LSM4: variants seen among roughly 807,000 people sequenced by gnomAD.
LSM4 encodes LSM4 homolog, U6 small nuclear RNA and mRNA degradation associated.
Under a neutral mutation model 22.3 loss-of-function variants are expected in LSM4, and 15 were observed. The ratio of observed to expected loss-of-function variants is 0.67; its 90% CI spans 0.45 to 1.03. The LOEUF (loss-of-function observed/expected upper bound fraction) is 1.03. Ranked by LOEUF, LSM4 falls within the 50% of genes least tolerant of loss-of-function variation. The pLI is 0.00. For missense variants in LSM4, 127 were observed against 198.0 expected, an observed-to-expected ratio of 0.64 and a Z score of 2.15; for synonymous variants, 90 against 79.8, an observed-to-expected ratio of 1.13 and a Z score of -0.68.
At chr19:18,317,490 GC>G (rs1970369361) in intron 1 of LSM4, among the ~76,000 whole-genome samples, 2 of 151,788 alleles carry the variant, frequency 1.3e-5, no homozygotes, top group Non-Finnish European at 2.9e-5. Context: ...CCACCACCAT[GC>G]CCGGCTAATT....
intron 1 of LSM4, among the ~76,000 whole-genome samples, chr19:18,319,657 G>A (rs996145983): frequency 7.9e-5 from 12 of 152,274 alleles, no homozygotes; most frequent in Admixed American, 7.2e-4. Context: ...AGGCAGACAG[G>A]CTCTGCCACA....
intron 3 of LSM4, among the ~76,000 whole-genome samples, chr19:18,310,404 C>T (rs934393149): frequency 2.0e-5 from 3 of 152,224 alleles, no homozygotes; most frequent in Non-Finnish European, 4.4e-5. Flanking sequence ...GAGCAAGCTA[C>T]AGGCCTAGTG....
intron 4 of LSM4, among the ~76,000 whole-genome samples, chr19:18,308,127 CCT>C (rs1283512431): frequency 6.6e-6 from 1 of 152,190 alleles, no homozygotes; most frequent in Non-Finnish European, 1.5e-5. Context: ...CCATGAAGCC[CCT>C]GAGGTGGGAG....
intron 1 of LSM4, among the ~76,000 whole-genome samples, chr19:18,319,912 A>G (rs1196546241): frequency 2.0e-5 from 3 of 152,240 alleles, no homozygotes. Flanking sequence ...TCCAGGGCCA[A>G]GCACAAGGCC....
chr19:18,316,244 A>G, intron 1 of LSM4, 179 bp from the exon 2 acceptor site: 1 of 509,220 alleles, frequency 2.0e-6, no homozygotes, highest in South Asian at 2.6e-5. Flanking sequence ...TGGAACACAC[A>G]CCTGCCTCTC....
intron 2 of LSM4, among the ~76,000 whole-genome samples, chr19:18,314,589 G>T (rs575920801): frequency 5.3e-5 from 8 of 152,210 alleles, no homozygotes; most frequent in African/African-American, 1.2e-4. Context: ...ACTGACACAG[G>T]CCACAGGGTG....
chr19:18,314,618 G>A (rs1051660720), intron 2 of LSM4, among the ~76,000 whole-genome samples: 12 of 152,214 alleles, frequency 7.9e-5, no homozygotes, highest in Admixed American at 3.3e-4. Flanking sequence ...TCAAAAACAC[G>A]TTGCTGAGTG....
Position 18,323,052 on chromosome 19 carries a change from T to C in LSM4, c.-32A>G. The C allele has an allele frequency of 6.6e-7, 1 of 1,525,336 alleles. No homozygotes were observed. Among genetic ancestry groups the C allele is most frequent in the East Asian group, 2.7e-5 (1 of 37,658 alleles). 94.5% of individuals were successfully genotyped at this position (1,525,336 alleles called of 1,614,324 possible). ...GGCGGGGACCGGGCTCGCCGGCCAC[T>C]TCCGCCGCCGCCGCTGCACACGCTC... On this transcript the variant is annotated 5_prime_UTR_variant, in exon 1 of 5. Transcript: ENST00000593829.
intron 2 of LSM4, among the ~76,000 whole-genome samples, chr19:18,314,344 C>T (rs1314774299): frequency 6.6e-6 from 1 of 151,422 alleles, no homozygotes; most frequent in Non-Finnish European, 1.5e-5. Context: ...CACAGTGAAA[C>T]CCCGTCTCTA....
intron 3 of LSM4, among the ~76,000 whole-genome samples, chr19:18,310,667 C>T (rs1175427285): frequency 6.6e-6 from 1 of 152,160 alleles, no homozygotes; most frequent in African/African-American, 2.4e-5. Context: ...CCTGGACAGA[C>T]CCACGCACGA....
chr19:18,316,913 T>C (rs903771217), intron 1 of LSM4, among the ~76,000 whole-genome samples: 15 of 152,160 alleles, frequency 9.9e-5, no homozygotes, highest in Non-Finnish European at 2.1e-4. Context: ...GAAGGCCACA[T>C]CTGAGCTGGT....
rs186490507 is a variant in LSM4 at position 18,306,247 on chromosome 19, C to T, written c.*1217G>A. ...CTCAAGAAAAAGAGTTCCTCACGGA[C>T]GGGACCTTTTATTCCAATCACCTCT... On this transcript the variant is annotated 3_prime_UTR_variant, in exon 5 of 5. Transcript: ENST00000593829. 5.9e-5 allele frequency: 9 copies of T among 152,304 alleles called. No individual in the cohort carries two copies. The highest frequency in any genetic ancestry group is 1.9e-4 in the African/African-American group (8 of 41,558). 9.4% of individuals were successfully genotyped at this position (152,304 alleles called of 1,614,324 possible). A position where few individuals can be genotyped will look rare whatever the true frequency, so the allele number is the denominator to read the frequency against.
In LSM4 at chr19:18,323,055, C is replaced by T. The variant is rs1163419052; in HGVS notation, c.-35G>A. ...GGGGACCGGGCTCGCCGGCCACTTC[C>T]GCCGCCGCCGCTGCACACGCTCCCG... is the stretch of plus-strand genomic sequence containing the variant. On this transcript the variant is annotated 5_prime_UTR_variant, in exon 1 of 5. Coordinates refer to ENST00000593829, the MANE Select transcript of LSM4 (RefSeq NM_012321.5). 1.3e-6 allele frequency: 2 copies of T among 1,513,134 alleles called. No individual in the cohort carries two copies. Among genetic ancestry groups the T allele is most frequent in the African/African-American group, 1.5e-5 (1 of 68,902 alleles). The allele number at this position is 1,513,134 out of a possible 1,614,324, so 93.7% of individuals were successfully genotyped here. A position where few individuals can be genotyped will look rare whatever the true frequency, so the allele number is the denominator to read the frequency against.
intron 3 of LSM4, 57 bp downstream of exon 3, chr19:18,312,547 A>G: frequency 7.1e-7 from 1 of 1,416,182 alleles, no homozygotes; most frequent in Non-Finnish European, 1.0e-6. Context: ...GGAGGGAGGG[A>G]GGAGGCTGAG....
At position 18,312,718 on chromosome 19, in the gene LSM4, G is replaced by C. The variant is rs566270912; in HGVS notation, c.46-16C>G. 1.9e-6 allele frequency: 3 copies of C among 1,599,108 alleles called. No homozygotes were observed. The highest frequency in any genetic ancestry group is 2.2e-5 in the South Asian group (2 of 90,790). On this transcript the variant is annotated splice_polypyrimidine_tract_variant and intron_variant, in intron 2 of 4. Transcript: ENST00000593829. Reference sequence around the variant, plus strand: ...GCTCCACCAACTAGAAGAGAGACAGGCTAGAGGTTGGCTGTAGCCCTGGAG... The same window carrying C: ...GCTCCACCAACTAGAAGAGAGACAGCCTAGAGGTTGGCTGTAGCCCTGGAG...
chr19:18,322,981 G>A (rs773422301), intron 1 of LSM4, 37 bp downstream of exon 1: 2 of 1,590,214 alleles, frequency 1.3e-6, no homozygotes, highest in South Asian at 1.1e-5. Flanking sequence ...TGCTGTTCCC[G>A]CCTCCCGGTG....
chr19:18,309,368 G>T (rs990595375), intron 4 of LSM4: 3 of 407,988 alleles, frequency 7.4e-6, no homozygotes, highest in Non-Finnish European at 1.3e-5. Flanking sequence ...GCCACGCCAG[G>T]TTCCAAGTGG....
chr19:18,314,548 C>T (rs899515392), intron 2 of LSM4, among the ~76,000 whole-genome samples: 3 of 151,918 alleles, frequency 2.0e-5, no homozygotes, highest in African/African-American at 4.8e-5. Flanking sequence ...ATCCGCTCCA[C>T]GGAGTATCGT....
intron 4 of LSM4, among the ~76,000 whole-genome samples, chr19:18,309,002 G>C (rs564544185): frequency 1.3e-5 from 2 of 152,286 alleles, no homozygotes; most frequent in South Asian, 4.1e-4. Flanking sequence ...CCAGGCCGGG[G>C]ACCCCAGAGG....
Sources: allele counts gnomAD v4.1 joint callset (sites outside exome capture counted in the v4.1 genomes callset), GRCh38; gene constraint gnomAD v4.1.1; transcripts MANE v1.5; gene names NCBI Gene and HGNC (gene_info 2026-07-23, HGNC 2026-07-21).